Variants in COL4A3 observed in about 807,000 individuals in gnomAD.
COL4A3 encodes the protein collagen alpha-3(IV) chain.
COL4A3 carries 135 observed loss-of-function variants against 217.4 expected under a neutral mutation model. The observed-to-expected ratio is 0.62, with a 90% CI of 0.54 to 0.72. The LOEUF is 0.72. Ranked by LOEUF, COL4A3 falls within the 30% of genes least tolerant of loss-of-function variation. The probability of loss-of-function intolerance (pLI) is 0.00; values close to 1 mark genes in which losing one functional copy is unlikely to be tolerated. For missense variants in COL4A3, 1,868 were observed against 2,119.9 expected (o/e 0.88, Z 2.33); for synonymous variants, 690 against 736.3 (o/e 0.94, Z 1.02).
At position 227,248,543 on chromosome 2, in the gene COL4A3, C is replaced by T. The variant is rs762256794; in HGVS notation, c.546+23C>T. On this transcript the variant is annotated intron_variant, in intron 9 of 51. Transcript: ENST00000396578. ...CAGGTACAGCACTTCAGAGAAGGTC[C>T]CTATTATTCTCAGTTTTTCACTCTC... 5 of 1,561,088 alleles carry T rather than the reference C, an allele frequency of 3.2e-6. No individual in the cohort carries two copies. The Admixed American group carries it at 6.7e-5, about 21-fold the overall frequency.
chr2:227,240,551 C>G (rs2068963331), intron 3 of COL4A3, among the ~76,000 whole-genome samples: 1 of 152,202 alleles, frequency 6.6e-6, no homozygotes, highest in East Asian at 1.9e-4. Context: ...CTATTCAAGA[C>G]CTGTCCAACC....
At chr2:227,294,434 G>C (rs1447268754) in intron 38 of COL4A3, 56 bp from the exon 39 acceptor site, 1 of 1,109,790 alleles carries the variant, frequency 9.0e-7, no homozygotes, top group Non-Finnish European at 1.4e-6. Flanking sequence ...AGTCACTGTT[G>C]TAATCATTTA....
At chr2:227,287,893 C>G (rs1226957546) in intron 34 of COL4A3, among the ~76,000 whole-genome samples, 1 of 152,214 alleles carries the variant, frequency 6.6e-6, no homozygotes, top group Non-Finnish European at 1.5e-5. Context: ...TGATTTATCT[C>G]TCTGGTGCTC....
intron 1 of COL4A3, chr2:227,169,263 G>A (rs2065391839): frequency 2.0e-5 from 3 of 151,226 alleles, no homozygotes; most frequent in Admixed American, 6.6e-5. Context: ...GTGTATATGT[G>A]CCACATTTTC....
chr2:227,218,068 CTA>C lies in COL4A3; in HGVS notation c.88-19891_88-19890del, dbSNP rs1238709036. On this transcript the variant is annotated intron_variant, in intron 1 of 51. Transcript: ENST00000396578. The stretch of plus-strand genomic sequence containing the variant: ...CTATATTTAACTATATATAAAATAA[CTA>C]TATATATAGCTATATATATATATAT... Among the ~76,000 whole-genome samples, 28 of 67,702 alleles carry C rather than the reference CTA, an allele frequency of 4.1e-4. No homozygotes were observed. In the South Asian group the frequency reaches 0.016, roughly 39 times the overall value. 44.4% of individuals were successfully genotyped at this position (67,702 alleles called of 152,430 possible).
At chr2:227,198,085 A>G (rs964692195) in intron 1 of COL4A3, among the ~76,000 whole-genome samples, 2 of 152,246 alleles carry the variant, frequency 1.3e-5, no homozygotes, top group African/African-American at 2.4e-5. Context: ...CTTCCCTCTT[A>G]GAGAGGCCCC....
intron 43 of COL4A3, among the ~76,000 whole-genome samples, chr2:227,301,176 T>C (rs1433268747): frequency 1.3e-5 from 2 of 152,226 alleles, no homozygotes; most frequent in East Asian, 3.9e-4. Flanking sequence ...GAACTGCCTT[T>C]TGATGTGGCT....
chr2:227,186,050 C>T (rs1367268286), intron 1 of COL4A3, among the ~76,000 whole-genome samples: 1 of 152,200 alleles, frequency 6.6e-6, no homozygotes, highest in African/African-American at 2.4e-5. Flanking sequence ...AACTCAACAG[C>T]ATGGGAGTGG....
chr2:227,229,747 G>A (rs1291773024), intron 1 of COL4A3, among the ~76,000 whole-genome samples: 1 of 152,100 alleles, frequency 6.6e-6, no homozygotes, highest in East Asian at 1.9e-4. Context: ...GGGGAACCTG[G>A]AAGGATTAAG....
intron 1 of COL4A3, among the ~76,000 whole-genome samples, chr2:227,168,518 T>C (rs2065357924): frequency 6.6e-6 from 1 of 152,250 alleles, no homozygotes. Flanking sequence ...AGAAGTTATT[T>C]ATATATTTGG....
chr2:227,187,376 A>G (rs2066070913), intron 1 of COL4A3, among the ~76,000 whole-genome samples: 1 of 152,144 alleles, frequency 6.6e-6, no homozygotes, highest in Non-Finnish European at 1.5e-5. Flanking sequence ...CTTTGAATAG[A>G]AATTGACTTT....
chr2:227,307,600 C>G, intron 47 of COL4A3, 110 bp from the exon 48 acceptor site: 1 of 942,882 alleles, frequency 1.1e-6, no homozygotes, highest in Non-Finnish European at 1.7e-6. Flanking sequence ...TCTAGGATTG[C>G]TTTCAATTTA....
intron 5 of COL4A3, chr2:227,245,748 T>C (rs1211093839): frequency 1.6e-6 from 1 of 625,072 alleles, no homozygotes; most frequent in Non-Finnish European, 2.9e-6. Flanking sequence ...AATATCCACA[T>C]CTCATTTGAT....
intron 27 of COL4A3, 120 bp downstream of exon 27, chr2:227,276,597 G>A: frequency 1.3e-6 from 1 of 780,252 alleles, no homozygotes; most frequent in Admixed American, 2.0e-5. Flanking sequence ...CCAAAAGAGA[G>A]CACAGGGCAG....
chr2:227,194,388 G>C (rs987133169), intron 1 of COL4A3, among the ~76,000 whole-genome samples: 1 of 152,082 alleles, frequency 6.6e-6, no homozygotes, highest in African/African-American at 2.4e-5. Flanking sequence ...GTGAGGGGCT[G>C]TGAGGGAGGG....
At chr2:227,185,843 C>T (rs2066013289) in intron 1 of COL4A3, among the ~76,000 whole-genome samples, 1 of 152,186 alleles carries the variant, frequency 6.6e-6, no homozygotes, top group Non-Finnish European at 1.5e-5. Context: ...TGGAAACCTG[C>T]AGTTGTAGCA....
At chr2:227,190,303 T>C (rs903547254) in intron 1 of COL4A3, among the ~76,000 whole-genome samples, 4 of 152,244 alleles carry the variant, frequency 2.6e-5, no homozygotes, top group Admixed American at 2.6e-4. Flanking sequence ...TCCATGATAC[T>C]ATATTTCCTC....
At chr2:227,218,722 G>C (rs1272103885) in intron 1 of COL4A3, among the ~76,000 whole-genome samples, 1 of 152,136 alleles carries the variant, frequency 6.6e-6, no homozygotes, top group Non-Finnish European at 1.5e-5. Flanking sequence ...CACATATTAG[G>C]AAAGGTGGAA....
intron 33 of COL4A3, 64 bp downstream of exon 33, chr2:227,283,920 A>C: frequency 1.4e-6 from 2 of 1,416,550 alleles, no homozygotes; most frequent in Non-Finnish European, 2.0e-6. Context: ...ATTTTGCAGC[A>C]AAAAAAGTTA....
Sources: allele counts gnomAD v4.1 joint callset (sites outside exome capture counted in the v4.1 genomes callset), GRCh38; gene constraint gnomAD v4.1.1; transcripts MANE v1.5; gene names NCBI Gene and HGNC (gene_info 2026-07-23, HGNC 2026-07-21).